Variants in ZNF273 observed in about 807,000 individuals in gnomAD.
The protein encoded by ZNF273 is zinc finger protein 9.
Under a neutral mutation model 14.9 loss-of-function variants are expected in ZNF273, and 11 were observed. The ratio of observed to expected loss-of-function variants is 0.74; its 90% CI spans 0.46 to 1.22. The LOEUF (loss-of-function observed/expected upper bound fraction) is 1.22, where lower values mean the gene tolerates loss of function less well. Among genes scored for constraint, ZNF273 ranks in the 50% most tolerant of loss-of-function variants. The pLI, the probability that ZNF273 is intolerant of heterozygous loss-of-function variation, is 0.00. For missense variants in ZNF273, 577 were observed against 660.6 expected, an observed-to-expected ratio of 0.87 and a Z score of 1.39; for synonymous variants, 199 against 223.9, an observed-to-expected ratio of 0.89 and a Z score of 0.99.
chr7:64,916,667 G>A (rs1048955817), intron 1 of ZNF273, among the ~76,000 whole-genome samples: 2 of 151,990 alleles, frequency 1.3e-5, no homozygotes, highest in African/African-American at 2.4e-5. Context: ...TTACTTTTGC[G>A]AGGGGCAATA....
At chr7:64,914,224 A>G (rs1293225617) in intron 1 of ZNF273, among the ~76,000 whole-genome samples, 1 of 86,652 alleles carries the variant, frequency 1.2e-5, no homozygotes, top group Non-Finnish European at 2.1e-5. Flanking sequence ...AGATGGGGTT[A>G]TGGGGTTTGG....
intron 1 of ZNF273, among the ~76,000 whole-genome samples, chr7:64,904,103 T>C (rs10235528): frequency 0.033 from 4,966 of 152,282 alleles, 270 homozygotes; most frequent in African/African-American, 0.11. Flanking sequence ...TTTCTTTCTT[T>C]CTGAGACAGA....
intron 1 of ZNF273, among the ~76,000 whole-genome samples, chr7:64,887,379 T>C (rs1309675890): frequency 2.6e-5 from 4 of 152,318 alleles, no homozygotes; most frequent in Admixed American, 6.5e-5. Flanking sequence ...CCTCCTTCCA[T>C]GTGGCCCTGC....
Position 64,929,768 on chromosome 7 carries a change from T to C in ZNF273, c.*730T>C, listed in dbSNP as rs1190865588. On this transcript the variant is annotated 3_prime_UTR_variant, in exon 4 of 4. Coordinates refer to ENST00000476120, the MANE Select transcript of ZNF273 (RefSeq NM_021148.3). ...TTTACATTCAGAGTACACTTTTCTT[T>C]GGAAAAAATTACAGGTTTTTTGAAA... The C allele has an allele frequency of 3.3e-5, 5 of 151,978 alleles. No individual in the cohort carries two copies. Among genetic ancestry groups the C allele is most frequent in the African/African-American group, 1.2e-4 (5 of 41,386 alleles). The allele number at this position is 151,978 out of a possible 1,614,324, so 9.4% of individuals were successfully genotyped here.
intron 1 of ZNF273, among the ~76,000 whole-genome samples, chr7:64,886,215 G>T (rs1791568603): frequency 6.6e-6 from 1 of 152,202 alleles, no homozygotes; most frequent in Non-Finnish European, 1.5e-5. Flanking sequence ...AGGCTCTGAA[G>T]AGGCCTCCTT....
chr7:64,931,208 TAAG>T (rs1332564966), downstream of ZNF273, among the ~76,000 whole-genome samples: 1 of 152,136 alleles, frequency 6.6e-6, no homozygotes, highest in East Asian at 1.9e-4. Context: ...ATCATTTTAA[TAAG>T]GTGACTAATT....
At chr7:64,899,761 G>GTT (rs370557127), upstream of ZNF273, among the ~76,000 whole-genome samples, 28 of 144,850 alleles carry the variant, frequency 1.9e-4, no homozygotes, top group South Asian at 8.8e-4. Flanking sequence ...TAATTTCAAG[G>GTT]TTTTTTTTTT....
chr7:64,916,542 C>CAAAAAAAAAAAAAAAAAAAAAACA (rs1794010079), intron 1 of ZNF273, among the ~76,000 whole-genome samples: 1 of 84,378 alleles, frequency 1.2e-5, no homozygotes. Flanking sequence ...AAAACTGTCT[C>CAAAAAAAAAAAAAAAAAAAAAACA]AAAAAAAAAA....
upstream of ZNF273, among the ~76,000 whole-genome samples, chr7:64,902,224 G>C (rs1792765111): frequency 6.7e-6 from 1 of 149,838 alleles, no homozygotes; most frequent in South Asian, 2.1e-4. Context: ...TTTAAGTTTG[G>C]CTACTAGAAT....
At chr7:64,936,637 C>G in the ZNF273 span, among the ~76,000 whole-genome samples, 1 of 152,150 alleles carries the variant, frequency 6.6e-6, no homozygotes. Flanking sequence ...GTCAGAGACA[C>G]TTAAATGTCA....
chr7:64,884,679 C>T (rs1286519916), downstream of ZNF273, among the ~76,000 whole-genome samples: 1 of 152,152 alleles, frequency 6.6e-6, no homozygotes, highest in Admixed American at 6.5e-5. Flanking sequence ...TTCCATCACC[C>T]GGAGATCCCT....
chr7:64,882,091 G>A (rs1330766887), downstream of ZNF273, among the ~76,000 whole-genome samples: 2 of 152,128 alleles, frequency 1.3e-5, no homozygotes, highest in Non-Finnish European at 2.9e-5. Context: ...TAAACGGCCC[G>A]GGATGAAGGG....
In ZNF273 at chr7:64,928,034, T is replaced by G. The variant is rs1233923090; in HGVS notation, c.706T>G (p.Cys236Gly). Residue 236 changes from cysteine to glycine, a missense_variant, in exon 4 of 4, where the codon TGT becomes GGT. Around this residue, in one of 3 missense-constraint regions of ZNF273, gnomAD observed 411 missense variants for 440.4 expected, o/e 0.93. Transcript: ENST00000476120. ...KTATRVNFYK[C>G]KTCGKAFNQF... ...TGCTACTAGAGTGAATTTCTACAAATGTAAGACATGTGGAAAAGCCTTTAA... is the reference window on the plus strand; with the variant it reads ...TGCTACTAGAGTGAATTTCTACAAAGGTAAGACATGTGGAAAAGCCTTTAA... The G allele has an allele frequency of 1.2e-6, 2 of 1,613,908 alleles. No homozygotes were observed. Among genetic ancestry groups the G allele is most frequent in the Admixed American group, 1.7e-5 (1 of 60,006 alleles).
At position 64,928,558 on chromosome 7, in the gene ZNF273, C is replaced by T. The variant is rs1286425453; in HGVS notation, c.1230C>T (p.Ala410=). 1.2e-6 allele frequency: 2 copies of T among 1,612,904 alleles called. No individual in the cohort carries two copies. The highest frequency in any genetic ancestry group is 1.7e-5 in the Admixed American group (1 of 59,898). ...KPYKCEECGK[A]FKRSTTLTKH... is the part of the protein sequence containing the mutation. ...ACAAATGTGAAGAATGTGGTAAAGC[C>T]TTTAAACGGTCCACAACTCTTACTA... Residue 410 remains alanine (A), a synonymous_variant, in exon 4 of 4, where the codon GCC becomes GCT. Coordinates refer to ENST00000476120, the MANE Select transcript of ZNF273 (RefSeq NM_021148.3).
downstream of ZNF273, chr7:64,889,877 C>A: frequency 1.7e-6 from 1 of 576,400 alleles, no homozygotes; most frequent in African/African-American, 2.0e-5. This position sits in a 1 kb window ranked among gnomAD's most constrained non-coding sequence, Gnocchi z 4.2. Context: ...ATGTCGGCTT[C>A]TTTTGCTGGC....
chr7:64,927,563 A>T (rs1283644837), intron 3 of ZNF273, 91 bp from the exon 4 acceptor site: 1 of 1,124,428 alleles, frequency 8.9e-7, no homozygotes, highest in Admixed American at 2.7e-5. Flanking sequence ...CATCTTCCTT[A>T]TGTAGTTTGT....
At chr7:64,892,553 A>G (rs1351479039), downstream of ZNF273, among the ~76,000 whole-genome samples, 4 of 152,180 alleles carry the variant, frequency 2.6e-5, no homozygotes. Context: ...TTGTTGCCTA[A>G]TGGTCATAAA....
At chr7:64,916,496 G>T (rs539910045) in intron 1 of ZNF273, among the ~76,000 whole-genome samples, 3 of 128,642 alleles carry the variant, frequency 2.3e-5, no homozygotes, top group African/African-American at 8.9e-5. Context: ...ACTGAGCCGA[G>T]ATCACACCAT....
At position 64,930,491 on chromosome 7, in the gene ZNF273, T is replaced by G. The variant is rs1404983857; in HGVS notation, c.*1453T>G. On this transcript the variant is annotated 3_prime_UTR_variant, in exon 4 of 4. Transcript: ENST00000476120. ...GCAGTACATTTCAAAATTTTTAGATTATGTATGAACTTAGATTTTTAAACA... is the reference window on the plus strand; with the variant it reads ...GCAGTACATTTCAAAATTTTTAGATGATGTATGAACTTAGATTTTTAAACA... 2 of 152,180 alleles carry G rather than the reference T, an allele frequency of 1.3e-5. No individual in the cohort carries two copies. Among genetic ancestry groups the G allele is most frequent in the Admixed American group, 6.5e-5 (1 of 15,276 alleles). 9.4% of individuals were successfully genotyped at this position (152,180 alleles called of 1,614,324 possible).
Sources: allele counts gnomAD v4.1 joint callset (sites outside exome capture counted in the v4.1 genomes callset), GRCh38; gene constraint gnomAD v4.1.1; regional missense constraint gnomAD v4.1.1; non-coding constraint Gnocchi (gnomAD v3.1); transcripts MANE v1.5; gene names NCBI Gene and HGNC (gene_info 2026-07-23, HGNC 2026-07-21).